The following MAP3K20 variants were observed in gnomAD, a reference collection of about 807,000 sequenced individuals.
MAP3K20 encodes mitogen-activated protein kinase kinase kinase 20, also known as HCCS-4.
A neutral mutation model predicts 85.7 loss-of-function variants in MAP3K20; 40 were observed. The observed-to-expected ratio is 0.47, with a 90% CI of 0.36 to 0.61. The LOEUF is 0.61. Ranked by LOEUF, MAP3K20 falls within the 20% of genes least tolerant of loss-of-function variation. The probability of loss-of-function intolerance (pLI) is 0.00; values close to 1 mark genes in which losing one functional copy is unlikely to be tolerated. For missense variants in MAP3K20, 817 were observed against 961.7 expected (o/e 0.85, Z 1.99); for synonymous variants, 325 against 327.7 (o/e 0.99, Z 0.09).
intron 2 of MAP3K20, among the ~76,000 whole-genome samples, chr2:173,139,924 A>T (rs1688917696): frequency 6.6e-6 from 1 of 152,154 alleles, no homozygotes; most frequent in Non-Finnish European, 1.5e-5. Context: ...AAAGTAATAC[A>T]TGTTCAGTGT....
At chr2:173,201,902 T>C (rs1244969280) in intron 8 of MAP3K20, among the ~76,000 whole-genome samples, 1 of 152,228 alleles carries the variant, frequency 6.6e-6, no homozygotes, top group Non-Finnish European at 1.5e-5. Context: ...ATGACTTCGA[T>C]GTGGTATCTA....
intron 2 of MAP3K20, among the ~76,000 whole-genome samples, chr2:173,091,681 G>T (rs1220897031): frequency 6.6e-6 from 1 of 152,064 alleles, no homozygotes; most frequent in East Asian, 1.9e-4. Context: ...TCTACTTAAG[G>T]CTAACAGTGA....
At chr2:173,251,236 T>C (rs1685035252) in intron 16 of MAP3K20, among the ~76,000 whole-genome samples, 1 of 152,202 alleles carries the variant, frequency 6.6e-6, no homozygotes, top group African/African-American at 2.4e-5. Context: ...TTCTGACCTC[T>C]GTATTTTATA....
intron 2 of MAP3K20, among the ~76,000 whole-genome samples, chr2:173,140,128 C>T (rs1185009594): frequency 3.3e-5 from 5 of 152,096 alleles, no homozygotes; most frequent in Non-Finnish European, 7.4e-5. Flanking sequence ...TCCCCTGCCT[C>T]AGCCTCCCGA....
intron 1 of MAP3K20, among the ~76,000 whole-genome samples, chr2:173,081,631 G>A (rs1005685680): frequency 6.6e-6 from 1 of 152,146 alleles, no homozygotes; most frequent in African/African-American, 2.4e-5. Context: ...GGGGAAGGAA[G>A]AGGAAAGTTT....
At chr2:173,253,158 C>T (rs1205359252) in intron 16 of MAP3K20, among the ~76,000 whole-genome samples, 1 of 152,208 alleles carries the variant, frequency 6.6e-6, no homozygotes, top group Non-Finnish European at 1.5e-5. Flanking sequence ...TTCACACCTT[C>T]CTGCCCATCA....
chr2:173,258,611 T>C, intron 16 of MAP3K20, 88 bp from the exon 17 acceptor site: 1 of 699,966 alleles, frequency 1.4e-6, no homozygotes. Context: ...ATACTTCATT[T>C]AGAATATTTT....
At chr2:173,159,401 T>C (rs1410479299) in intron 2 of MAP3K20, among the ~76,000 whole-genome samples, 2 of 60,180 alleles carry the variant, frequency 3.3e-5, no homozygotes, top group Non-Finnish European at 1.1e-4. Context: ...CTTCCTTCCT[T>C]CTTTTTTTTT....
chr2:173,203,878 T>C lies in MAP3K20; in HGVS notation c.744+8T>C, dbSNP rs1350957100. 5.0e-6 allele frequency: 8 copies of C among 1,612,006 alleles called. No homozygotes were observed. The highest frequency in any genetic ancestry group is 1.3e-5 in the African/African-American group (1 of 74,878). ...TGGGAAGCTGATGCCAAGGTATACA[T>C]ATGTATTTTTGTTATTGTTTAGAAT... On this transcript the variant is annotated splice_region_variant and intron_variant, in intron 9 of 19. Coordinates refer to ENST00000375213, the MANE Select transcript of MAP3K20 (RefSeq NM_016653.3).
At position 173,219,983 on chromosome 2, in the gene MAP3K20, G is replaced by A. The variant is rs181298255; in HGVS notation, c.987+2733G>A. Among the ~76,000 whole-genome samples the A allele has an allele frequency of 6.7e-3, 997 of 148,414 alleles. 20 individuals carry two copies. The highest frequency in any genetic ancestry group is 5.6e-3 in the Non-Finnish European group (380 of 67,646). On this transcript the variant is annotated intron_variant, in intron 11 of 19. Transcript: ENST00000375213. ...TTTGGGAGGCTGAGGCAGGAGAATCGCTTGAACCTGGAAGGCAGAGGTTGC... is the reference window on the plus strand; with the variant it reads ...TTTGGGAGGCTGAGGCAGGAGAATCACTTGAACCTGGAAGGCAGAGGTTGC...
intron 9 of MAP3K20, among the ~76,000 whole-genome samples, chr2:173,206,333 T>C (rs1174825919): frequency 6.6e-6 from 1 of 152,202 alleles, no homozygotes; most frequent in African/African-American, 2.4e-5. Flanking sequence ...AACCCTTCTT[T>C]AGGACCAAAG....
chr2:173,114,299 A>C (rs1161034321), intron 2 of MAP3K20, among the ~76,000 whole-genome samples: 2 of 152,108 alleles, frequency 1.3e-5, no homozygotes, highest in African/African-American at 4.8e-5. Context: ...GAGTCTCCTG[A>C]AGACAGCAGA....
At chr2:173,243,237 TGAG>T (rs1684834079) in intron 16 of MAP3K20, among the ~76,000 whole-genome samples, 1 of 152,200 alleles carries the variant, frequency 6.6e-6, no homozygotes, top group African/African-American at 2.4e-5. Flanking sequence ...GTTCACTGGA[TGAG>T]GATCTACAAC....
chr2:173,230,168 A>T (rs939660386), intron 12 of MAP3K20, among the ~76,000 whole-genome samples: 1 of 152,144 alleles, frequency 6.6e-6, no homozygotes, highest in Non-Finnish European at 1.5e-5. Context: ...GATTGAAAAT[A>T]AAGCCTCAAG....
intron 2 of MAP3K20, among the ~76,000 whole-genome samples, chr2:173,149,433 A>G (rs1030537863): frequency 2.7e-5 from 4 of 146,416 alleles, no homozygotes; most frequent in Admixed American, 1.4e-4. Context: ...GATGTTAACA[A>G]TGGGTGAGGG....
chr2:173,142,572 A>G (rs1217361888), intron 2 of MAP3K20, among the ~76,000 whole-genome samples: 1 of 152,176 alleles, frequency 6.6e-6, no homozygotes, highest in Non-Finnish European at 1.5e-5. Context: ...ATTAAATCTA[A>G]GTAGACTGTG....
chr2:173,169,349 G>C (rs1335850309), intron 2 of MAP3K20, among the ~76,000 whole-genome samples: 1 of 152,080 alleles, frequency 6.6e-6, no homozygotes, highest in African/African-American at 2.4e-5. Context: ...CAGTAGAAAT[G>C]TTTCAACTTT....
chr2:173,251,049 C>T (rs910841055), intron 16 of MAP3K20, among the ~76,000 whole-genome samples: 11 of 152,258 alleles, frequency 7.2e-5, no homozygotes, highest in Admixed American at 2.6e-4. Flanking sequence ...ATAATAGCAA[C>T]GCATATAAAG....
chr2:173,148,338 C>G (rs1689195996), intron 2 of MAP3K20, among the ~76,000 whole-genome samples: 1 of 152,162 alleles, frequency 6.6e-6, no homozygotes, highest in African/African-American at 2.4e-5. Flanking sequence ...CTTCTTGTTA[C>G]CACTTTCTGG....
Sources: allele counts gnomAD v4.1 joint callset (sites outside exome capture counted in the v4.1 genomes callset), GRCh38; gene constraint gnomAD v4.1.1; transcripts MANE v1.5; gene names NCBI Gene and HGNC (gene_info 2026-07-23, HGNC 2026-07-21).